The following NFIX variants were observed in gnomAD, a reference collection of about 807,000 sequenced individuals.
The protein encoded by NFIX is nuclear factor I X, also known as nuclear factor 1 X-type.
Under a neutral mutation model 53.3 loss-of-function variants are expected in NFIX, and 2 were observed. That is an observed-to-expected ratio of 0.04 (90% CI 0.02 to 0.12). NFIX has a LOEUF of 0.12. Among genes scored for constraint, NFIX ranks in the 10% least tolerant of loss-of-function variants. NFIX has a pLI of 1.00. For synonymous variants in NFIX, 244 were observed against 289.0 expected, an observed-to-expected ratio of 0.84 and a Z score of 1.58; for missense variants, 310 against 674.5, an observed-to-expected ratio of 0.46 and a Z score of 5.99.
Position 13,052,195 on chromosome 19 carries a change from C to T in NFIX, c.560-20852C>T, listed in dbSNP as rs2015372009. On this transcript the variant is annotated intron_variant, in intron 2 of 10. Transcript: ENST00000592199. This position sits in a 1 kb window ranked among gnomAD's most constrained non-coding sequence, Gnocchi z 5.2. ...TCCAAGTGGGTAGGTCTGGGCAGGGCTCGTGAATCTGCATTTCCACCTAGT... is the reference window on the plus strand; with the variant it reads ...TCCAAGTGGGTAGGTCTGGGCAGGGTTCGTGAATCTGCATTTCCACCTAGT... Among the ~76,000 whole-genome samples the T allele has an allele frequency of 6.6e-6, 1 of 152,190 alleles. No homozygotes were observed. Among genetic ancestry groups the T allele is most frequent in the Non-Finnish European group, 1.5e-5 (1 of 68,032 alleles).
At chr19:13,065,019 G>A (rs1049487650) in intron 2 of NFIX, among the ~76,000 whole-genome samples, 2 of 143,878 alleles carry the variant, frequency 1.4e-5, no homozygotes, top group Non-Finnish European at 3.0e-5. Context: ...GTCACAGGCT[G>A]GTAGGTTCTG....
At chr19:13,044,981 T>A (rs2014891705) in intron 2 of NFIX, among the ~76,000 whole-genome samples, 1 of 152,148 alleles carries the variant, frequency 6.6e-6, no homozygotes, top group Non-Finnish European at 1.5e-5. Context: ...AAGGTCCCAC[T>A]GCAGGCTGTG....
chr19:13,069,521 G>T (rs2016638507), intron 2 of NFIX, among the ~76,000 whole-genome samples: 1 of 152,236 alleles, frequency 6.6e-6, no homozygotes, highest in East Asian at 1.9e-4. Flanking sequence ...CTCCCTTGTG[G>T]GCAGGGGCTC....
rs62109891 is a variant in NFIX at position 12,998,322 on chromosome 19, T to G, written c.27+2458T>G. 5.3e-5 allele frequency among the ~76,000 whole-genome samples: 8 copies of G among 151,894 alleles called. No individual in the cohort carries two copies. The highest frequency in any genetic ancestry group is 8.8e-5 in the Non-Finnish European group (6 of 67,942). On this transcript the variant is annotated intron_variant, in intron 1 of 10. Coordinates refer to ENST00000592199, the MANE Select transcript of NFIX (RefSeq NM_001365902.3). This position sits in a 1 kb window ranked among gnomAD's most constrained non-coding sequence, Gnocchi z 4.4. ...GTCTCTCTGGCCTGCCTCTCTCTCT[T>G]TCCCTCTCTCTCTCTCCCTTTTCTT...
chr19:13,022,805 C>A lies in NFIX; in HGVS notation c.28-2216C>A, dbSNP rs540689676. Among the ~76,000 whole-genome samples the A allele has an allele frequency of 4.5e-4, 69 of 152,262 alleles. No homozygotes were observed. Among genetic ancestry groups the A allele is most frequent in the Non-Finnish European group, 8.7e-4 (59 of 68,020 alleles). On this transcript the variant is annotated intron_variant, in intron 1 of 10. Transcript: ENST00000592199. The surrounding 1 kb of genome is among the most constrained non-coding windows in gnomAD (Gnocchi z 4.5). Reference sequence around the variant, plus strand: ...CGAGTCTTCCACAATCCCAGTCCCCCCCAATGCCCCACCCCACCCCCAGAT... The same window carrying A: ...CGAGTCTTCCACAATCCCAGTCCCCACCAATGCCCCACCCCACCCCCAGAT...
At chr19:13,030,222 A>G (rs2013696046) in intron 2 of NFIX, among the ~76,000 whole-genome samples, 1 of 152,162 alleles carries the variant, frequency 6.6e-6, no homozygotes, top group Non-Finnish European at 1.5e-5. Context: ...CTTTTAACCC[A>G]ATGTAGGGTC....
At chr19:13,055,743 C>T (rs2015636168) in intron 2 of NFIX, among the ~76,000 whole-genome samples, 1 of 152,174 alleles carries the variant, frequency 6.6e-6, no homozygotes, top group South Asian at 2.1e-4. Context: ...TCAGGCTCGG[C>T]TGGCCCCAGG....
intron 2 of NFIX, chr19:13,069,659 C>A (rs770261835): frequency 2.0e-5 from 3 of 152,448 alleles, no homozygotes; most frequent in Non-Finnish European, 4.4e-5. Flanking sequence ...CGGCCAGAGT[C>A]CGGGAGGCTG....
chr19:13,044,127 T>G (rs1212455896), intron 2 of NFIX, among the ~76,000 whole-genome samples: 1 of 152,150 alleles, frequency 6.6e-6, no homozygotes, highest in Non-Finnish European at 1.5e-5. Flanking sequence ...CCTCAGGCCC[T>G]GGGTAGTGGG....
chr19:13,075,931 T>C (rs1236441191), intron 6 of NFIX, among the ~76,000 whole-genome samples: 2 of 152,184 alleles, frequency 1.3e-5, no homozygotes, highest in African/African-American at 4.8e-5. Context: ...GTGCCAAGCC[T>C]CTGGTGCCCC....
At chr19:13,086,253 T>C (rs899892921) in intron 8 of NFIX, among the ~76,000 whole-genome samples, 7 of 152,090 alleles carry the variant, frequency 4.6e-5, no homozygotes, top group African/African-American at 1.7e-4. Flanking sequence ...AGATTGGACT[T>C]CATGTTGGGT....
At chr19:13,023,873 C>T in intron 1 of NFIX, 1 of 640,746 alleles carries the variant, frequency 1.6e-6, no homozygotes, top group Non-Finnish European at 2.7e-6. Flanking sequence ...AAGCCCGGCC[C>T]CTATTCCCCA....
chr19:13,062,880 G>A (rs2145379555), intron 2 of NFIX, among the ~76,000 whole-genome samples: 1 of 152,340 alleles, frequency 6.6e-6, no homozygotes, highest in East Asian at 1.9e-4. Flanking sequence ...TCTCACAGGG[G>A]TTGAGGAAGT....
At position 13,072,179 on chromosome 19, in the gene NFIX, A is replaced by T. The variant is rs550367418; in HGVS notation, c.560-868A>T. ...TGTCATGCCCAGGCAGGCATTCTGG[A>T]GGTCCCCGTTGTGCCCCTGGCACAC... On this transcript the variant is annotated intron_variant, in intron 2 of 10. Coordinates refer to ENST00000592199, the MANE Select transcript of NFIX (RefSeq NM_001365902.3). The surrounding 1 kb of genome is among the most constrained non-coding windows in gnomAD (Gnocchi z 4.0). 1.6e-4 allele frequency among the ~76,000 whole-genome samples: 24 copies of T among 152,318 alleles called. No individual in the cohort carries two copies. The highest frequency in any genetic ancestry group is 5.8e-4 in the African/African-American group (24 of 41,564).
intron 2 of NFIX, chr19:13,070,399 G>C (rs1430480609): frequency 6.5e-6 from 1 of 152,752 alleles, no homozygotes; most frequent in African/African-American, 2.4e-5. Context: ...GTAGAGCTGC[G>C]GTGTCCCCTG....
Position 13,025,698 on chromosome 19 carries a change from T to G in NFIX, c.559+146T>G. The stretch of plus-strand genomic sequence containing the variant: ...TCCTGCGGGGCCTGCAACACGGTTC[T>G]ATGGGCCCTTTTCCTTTTTCCTGTC... On this transcript the variant is annotated intron_variant, in intron 2 of 10. Transcript: ENST00000592199. This position sits in a 1 kb window ranked among gnomAD's most constrained non-coding sequence, Gnocchi z 7.5. 2.2e-6 allele frequency: 2 copies of G among 892,346 alleles called. No homozygotes were observed. The highest frequency in any genetic ancestry group is 3.6e-5 in the South Asian group (2 of 56,030). 55.3% of individuals were successfully genotyped at this position (892,346 alleles called of 1,614,324 possible). A position where few individuals can be genotyped will look rare whatever the true frequency, so the allele number is the denominator to read the frequency against.
intron 8 of NFIX, among the ~76,000 whole-genome samples, chr19:13,085,922 C>T (rs2145493746): frequency 6.6e-6 from 1 of 152,264 alleles, no homozygotes; most frequent in African/African-American, 2.4e-5. Flanking sequence ...TGTTGGGGAG[C>T]TGGCAGGGAT....
At position 13,006,094 on chromosome 19, in the gene NFIX, C is replaced by T. The variant is rs920728245; in HGVS notation, c.27+10230C>T. ...AAAGATGCCAGCCCCGGTGGGAGGGCAGACTGTGAATCTGATAAACAAGGG... is the reference window on the plus strand; with the variant it reads ...AAAGATGCCAGCCCCGGTGGGAGGGTAGACTGTGAATCTGATAAACAAGGG... On this transcript the variant is annotated intron_variant, in intron 1 of 10. Transcript: ENST00000592199. This position sits in a 1 kb window ranked among gnomAD's most constrained non-coding sequence, Gnocchi z 5.6. Among the ~76,000 whole-genome samples, 1 of 152,184 alleles carries T rather than the reference C, an allele frequency of 6.6e-6. No individual in the cohort carries two copies. Among genetic ancestry groups the T allele is most frequent in the Non-Finnish European group, 1.5e-5 (1 of 68,038 alleles).
Position 13,021,047 on chromosome 19 carries a change from A to G in NFIX, c.28-3974A>G. Among the ~76,000 whole-genome samples, 1 of 152,182 alleles carries G rather than the reference A, an allele frequency of 6.6e-6. No homozygotes were observed. The highest frequency in any genetic ancestry group is 1.5e-5 in the Non-Finnish European group (1 of 68,044). ...TGTCTAATATTTAGTATAAATCAGA[A>G]TACAAGAAAAACACCTCCATGCCAA... On this transcript the variant is annotated intron_variant, in intron 1 of 10. Transcript: ENST00000592199. The surrounding 1 kb of genome is among the most constrained non-coding windows in gnomAD (Gnocchi z 4.2).
Sources: allele counts gnomAD v4.1 joint callset (sites outside exome capture counted in the v4.1 genomes callset), GRCh38; gene constraint gnomAD v4.1.1; non-coding constraint Gnocchi (gnomAD v3.1); transcripts MANE v1.5; gene names NCBI Gene and HGNC (gene_info 2026-07-23, HGNC 2026-07-21).